Variants in BCKDHB observed in about 807,000 individuals in gnomAD.
The protein encoded by BCKDHB is 2-oxoisovalerate dehydrogenase subunit beta, mitochondrial.
In BCKDHB, 41 loss-of-function variants were observed where a neutral mutation model predicts 48.5. The ratio of observed to expected loss-of-function variants is 0.85; its 90% confidence interval spans 0.66 to 1.10. The LOEUF is 1.10. BCKDHB is among the 50% of genes least tolerant of loss of function. The pLI, the probability that BCKDHB is intolerant of heterozygous loss-of-function variation, is 0.00. For missense variants in BCKDHB, 496 were observed against 494.2 expected, an observed-to-expected ratio of 1.00 and a Z score of -0.03; for synonymous variants, 201 against 174.8, an observed-to-expected ratio of 1.15 and a Z score of -1.18.
chr6:80,368,726 C>T, the BCKDHB span, among the ~76,000 whole-genome samples: 1 of 151,764 alleles, frequency 6.6e-6, no homozygotes, highest in Non-Finnish European at 1.5e-5. Flanking sequence ...AAAAAAAATC[C>T]AGCCCTGGGC....
At chr6:80,360,993 G>A in the BCKDHB span, among the ~76,000 whole-genome samples, 1 of 109,888 alleles carries the variant, frequency 9.1e-6, no homozygotes, top group African/African-American at 3.3e-5. Context: ...GACAGAGCAA[G>A]ACTCCATCTC....
intron 9 of BCKDHB, among the ~76,000 whole-genome samples, chr6:80,292,752 A>G (rs1407711525): frequency 6.6e-6 from 1 of 152,218 alleles, no homozygotes; most frequent in African/African-American, 2.4e-5. Context: ...TACACCTGTG[A>G]GCCTGTAAAA....
the BCKDHB span, among the ~76,000 whole-genome samples, chr6:80,352,030 AG>A: frequency 5.0e-4 from 76 of 152,064 alleles, no homozygotes; most frequent in Non-Finnish European, 1.8e-4. Flanking sequence ...CATGTTAATC[AG>A]GCTGGTCTCG....
intron 8 of BCKDHB, among the ~76,000 whole-genome samples, chr6:80,211,204 A>G (rs905662278): frequency 6.6e-6 from 1 of 152,218 alleles, no homozygotes; most frequent in Non-Finnish European, 1.5e-5. Context: ...AGAGAAGAAA[A>G]AACTGACACT....
intron 9 of BCKDHB, among the ~76,000 whole-genome samples, chr6:80,323,839 C>T (rs951824651): frequency 6.6e-6 from 1 of 152,186 alleles, no homozygotes; most frequent in East Asian, 1.9e-4. Flanking sequence ...GTGGCGCCAT[C>T]TTGGCTCACT....
intron 8 of BCKDHB, among the ~76,000 whole-genome samples, chr6:80,228,184 C>G (rs988327375): frequency 6.6e-6 from 1 of 152,188 alleles, no homozygotes; most frequent in Non-Finnish European, 1.5e-5. Flanking sequence ...TAGAAATAAG[C>G]AAACTCCTTT....
intron 8 of BCKDHB, among the ~76,000 whole-genome samples, chr6:80,203,676 T>C (rs1562133446): frequency 1.3e-5 from 2 of 152,242 alleles, no homozygotes; most frequent in East Asian, 1.9e-4. Context: ...GTCTTAATAC[T>C]GTGGATTACA....
At chr6:80,249,571 T>A (rs968273735) in intron 8 of BCKDHB, among the ~76,000 whole-genome samples, 1 of 152,222 alleles carries the variant, frequency 6.6e-6, no homozygotes, top group Non-Finnish European at 1.5e-5. Flanking sequence ...CCTGTAGTTA[T>A]GACTCAGTCA....
At chr6:80,414,424 C>G in the BCKDHB span, among the ~76,000 whole-genome samples, 1 of 152,164 alleles carries the variant, frequency 6.6e-6, no homozygotes, top group South Asian at 2.1e-4. Context: ...TCATAGTGTT[C>G]AGTTTTACAT....
the BCKDHB span, among the ~76,000 whole-genome samples, chr6:80,373,129 G>A: frequency 6.6e-6 from 1 of 151,944 alleles, no homozygotes; most frequent in Non-Finnish European, 1.5e-5. Flanking sequence ...CTTACTGCTT[G>A]TTATTTGTCT....
chr6:80,215,215 G>A (rs1329652540), intron 8 of BCKDHB, among the ~76,000 whole-genome samples: 4 of 152,204 alleles, frequency 2.6e-5, no homozygotes, highest in Non-Finnish European at 5.9e-5. Flanking sequence ...AGGTAGGGCG[G>A]TGCCCTCCTC....
the BCKDHB span, among the ~76,000 whole-genome samples, chr6:80,427,241 ATTTGTTT>A: frequency 1.3e-5 from 2 of 151,602 alleles, no homozygotes; most frequent in African/African-American, 4.8e-5. Context: ...TAATTCTTGG[ATTTGTTT>A]TTTGTTTTTT....
intron 6 of BCKDHB, among the ~76,000 whole-genome samples, chr6:80,177,206 T>G (rs141838707): frequency 5.2e-3 from 613 of 117,804 alleles, no homozygotes; most frequent in Admixed American, 8.7e-3. Flanking sequence ...CTAGCCTGGA[T>G]GACAGTGAGA....
At chr6:80,346,671 G>T (rs1431781977), downstream of BCKDHB, among the ~76,000 whole-genome samples, 6 of 152,052 alleles carry the variant, frequency 3.9e-5, no homozygotes, top group Non-Finnish European at 8.8e-5. Context: ...TTTTGCCCAT[G>T]TTCTTTATAT....
the BCKDHB span, among the ~76,000 whole-genome samples, chr6:80,378,707 C>T: frequency 3.9e-5 from 6 of 152,166 alleles, no homozygotes; most frequent in South Asian, 4.1e-4. Context: ...TTTGGGATAT[C>T]GCCATACTGT....
intron 3 of BCKDHB, among the ~76,000 whole-genome samples, chr6:80,149,214 A>G (rs995845636): frequency 6.6e-6 from 1 of 152,218 alleles, no homozygotes. Flanking sequence ...AAAACACATG[A>G]AAGAATGCTC....
chr6:80,302,974 G>A (rs117369157), intron 9 of BCKDHB, among the ~76,000 whole-genome samples: 2,371 of 152,204 alleles, frequency 0.016, 25 homozygotes, highest in Non-Finnish European at 0.023. Context: ...GTTAGCTTAA[G>A]TGGGATAATG....
chr6:80,165,181 A>C (rs1772510731), intron 3 of BCKDHB, among the ~76,000 whole-genome samples: 1 of 152,168 alleles, frequency 6.6e-6, no homozygotes, highest in South Asian at 2.1e-4. Flanking sequence ...TGGTTCAGGT[A>C]TTCCAGGGCT....
chr6:80,398,696 G>GGAAA, the BCKDHB span, among the ~76,000 whole-genome samples: 1 of 144,280 alleles, frequency 6.9e-6, no homozygotes, highest in African/African-American at 2.5e-5. Context: ...TAAAACTTTT[G>GGAAA]AAAAAAAAAA....
Sources: allele counts gnomAD v4.1 joint callset (sites outside exome capture counted in the v4.1 genomes callset), GRCh38; gene constraint gnomAD v4.1.1; transcripts MANE v1.5; gene names NCBI Gene and HGNC (gene_info 2026-07-23, HGNC 2026-07-21).